Variants in SLC25A26 observed in about 807,000 individuals in gnomAD.
SLC25A26 encodes the protein mitochondrial S-adenosylmethionine carrier protein.
A neutral mutation model predicts 37.8 loss-of-function variants in SLC25A26; 36 were observed. That is an observed-to-expected ratio of 0.95 (90% CI 0.73 to 1.26). The LOEUF (loss-of-function observed/expected upper bound fraction) is 1.26. Ranked by LOEUF, SLC25A26 falls within the 50% of genes most tolerant of loss-of-function variation. The pLI is 0.00. For missense variants in SLC25A26, 390 were observed against 331.1 expected, an observed-to-expected ratio of 1.18 and a Z score of -1.38; for synonymous variants, 129 against 122.5, an observed-to-expected ratio of 1.05 and a Z score of -0.35.
At chr3:66,254,825 A>G (rs2073237415) in intron 3 of SLC25A26, among the ~76,000 whole-genome samples, 1 of 152,232 alleles carries the variant, frequency 6.6e-6, no homozygotes, top group East Asian at 1.9e-4. Flanking sequence ...TTTCTTGGAG[A>G]AAAATCTTAA....
intron 1 of SLC25A26, among the ~76,000 whole-genome samples, chr3:66,144,591 A>T (rs1034470457): frequency 1.8e-4 from 28 of 152,134 alleles, no homozygotes; most frequent in Non-Finnish European, 3.8e-4. Context: ...AACGAGTGGT[A>T]AGAAGCATAC....
chr3:66,252,217 G>A (rs1444886518), intron 3 of SLC25A26, among the ~76,000 whole-genome samples: 1 of 152,150 alleles, frequency 6.6e-6, no homozygotes, highest in Admixed American at 6.5e-5. Flanking sequence ...GTTAAGATTA[G>A]GGTTCTTGAA....
In SLC25A26 at chr3:66,199,388, C is replaced by T. The variant is rs916440876; in HGVS notation, c.-353-21354C>T. On this transcript the variant is annotated intron_variant, in intron 1 of 10. Coordinates refer to the SLC25A26 transcript ENST00000676754. ...CTGAACAATGACTCTTATCCTAAAC[C>T]TCACTGTCACTCTCATGTTGACTAT... Among the ~76,000 whole-genome samples, 654 of 152,110 alleles carry T rather than the reference C, an allele frequency of 4.3e-3. 7 individuals are homozygous for T. Among genetic ancestry groups the T allele is most frequent in the African/African-American group, 0.015 (612 of 41,488 alleles).
intron 5 of SLC25A26, among the ~76,000 whole-genome samples, chr3:66,341,875 A>T (rs553624947): frequency 1.3e-5 from 2 of 152,144 alleles, no homozygotes; most frequent in Non-Finnish European, 2.9e-5. Flanking sequence ...CTTTCCTGCT[A>T]TGTTTAATAC....
rs998153170 is a variant in SLC25A26 at position 66,378,410 on chromosome 3, A to C, written c.*603A>C. On this transcript the variant is annotated 3_prime_UTR_variant, in exon 10 of 10. Transcript: ENST00000354883. ...AACGCACAATTGTATTATTTTACAG[A>C]GATGTGTCCAGCGCCCCCTGTGGTG... 2 of 152,760 alleles carry C rather than the reference A, an allele frequency of 1.3e-5. No homozygotes were observed. 9.5% of individuals were successfully genotyped at this position (152,760 alleles called of 1,614,324 possible).
chr3:66,305,423 A>G (rs1445342842), intron 5 of SLC25A26, among the ~76,000 whole-genome samples: 8 of 152,178 alleles, frequency 5.3e-5, no homozygotes, highest in African/African-American at 1.9e-4. Context: ...CAAATTTTTT[A>G]TATTAGGGAT....
chr3:66,368,835 G>C (rs1700176899), intron 7 of SLC25A26, among the ~76,000 whole-genome samples: 1 of 152,018 alleles, frequency 6.6e-6, no homozygotes, highest in Non-Finnish European at 1.5e-5. Context: ...CTGGGCAACA[G>C]AGCAAGACCC....
intron 9 of SLC25A26, among the ~76,000 whole-genome samples, 194 bp from the exon 10 acceptor site, chr3:66,377,496 G>A (rs1700738773): frequency 6.6e-6 from 1 of 151,814 alleles, no homozygotes; most frequent in South Asian, 2.1e-4. Context: ...TGTTTCAAAG[G>A]GAAAAATGGC....
intron 5 of SLC25A26, among the ~76,000 whole-genome samples, chr3:66,277,766 G>A (rs1474830608): frequency 6.6e-6 from 1 of 152,072 alleles, no homozygotes; most frequent in East Asian, 1.9e-4. Context: ...AGCATCACCA[G>A]TAATAAGATT....
intron 1 of SLC25A26, among the ~76,000 whole-genome samples, chr3:66,193,522 T>C (rs1277179521): frequency 6.6e-6 from 1 of 152,126 alleles, no homozygotes; most frequent in Non-Finnish European, 1.5e-5. Flanking sequence ...TTCAGATAAC[T>C]AACATCATTG....
intron 5 of SLC25A26, among the ~76,000 whole-genome samples, chr3:66,310,111 CCA>C (rs2075335072): frequency 6.6e-6 from 1 of 152,094 alleles, no homozygotes; most frequent in Non-Finnish European, 1.5e-5. Flanking sequence ...TTAAAGTCTC[CCA>C]CTATTATTGT....
intron 1 of SLC25A26, among the ~76,000 whole-genome samples, chr3:66,163,041 G>A (rs187369538): frequency 9.2e-5 from 14 of 152,258 alleles, no homozygotes; most frequent in Non-Finnish European, 1.5e-4. Flanking sequence ...GGAGTGAACC[G>A]CATCTCTAGC....
rs141458910 is a variant in SLC25A26, at chr3:66,156,301, G to A, written c.-354+22317G>A. Among the ~76,000 whole-genome samples the A allele has an allele frequency of 2.1e-3, 323 of 152,318 alleles. 2 individuals carry two copies. Among genetic ancestry groups the A allele is most frequent in the Middle Eastern group, 0.01 (3 of 294 alleles). On this transcript the variant is annotated intron_variant, in intron 1 of 10. Coordinates refer to the SLC25A26 transcript ENST00000676754. Reference sequence around the variant, plus strand: ...GGGTTACAGCAGTAACAAGGAAGATGACAAGGATCCTGCCCTCCTGGAGCC... The same window carrying A: ...GGGTTACAGCAGTAACAAGGAAGATAACAAGGATCCTGCCCTCCTGGAGCC...
chr3:66,326,563 G>A (rs2075842843), intron 5 of SLC25A26, among the ~76,000 whole-genome samples: 1 of 152,248 alleles, frequency 6.6e-6, no homozygotes. Context: ...GTGGTGTCAA[G>A]TGGCATGTGC....
At chr3:66,342,589 C>A (rs1304480419) in intron 5 of SLC25A26, among the ~76,000 whole-genome samples, 1 of 152,142 alleles carries the variant, frequency 6.6e-6, no homozygotes, top group Non-Finnish European at 1.5e-5. Flanking sequence ...CATTGATTGG[C>A]TTCAAAGATA....
intron 5 of SLC25A26, among the ~76,000 whole-genome samples, chr3:66,291,296 T>G (rs1360732580): frequency 1.3e-5 from 2 of 152,166 alleles, no homozygotes; most frequent in East Asian, 3.9e-4. Flanking sequence ...GGGGTTTTTT[T>G]GTGTCTCTTT....
At chr3:66,324,416 T>C (rs2075782353) in intron 5 of SLC25A26, among the ~76,000 whole-genome samples, 9 of 151,996 alleles carry the variant, frequency 5.9e-5, no homozygotes, top group Admixed American at 5.9e-4. Context: ...GTCTGAAAAA[T>C]ACCTTGAACA....
At chr3:66,277,798 A>T (rs573073555) in intron 5 of SLC25A26, among the ~76,000 whole-genome samples, 1 of 152,238 alleles carries the variant, frequency 6.6e-6, no homozygotes, top group South Asian at 2.1e-4. Flanking sequence ...ATACATCTCT[A>T]ATATAATGCA....
chr3:66,281,129 C>T (rs1038890743), intron 5 of SLC25A26, among the ~76,000 whole-genome samples: 1 of 152,138 alleles, frequency 6.6e-6, no homozygotes, highest in African/African-American at 2.4e-5. Flanking sequence ...TAAACGGTCC[C>T]ATAATCTGGA....
Sources: allele counts gnomAD v4.1 joint callset (sites outside exome capture counted in the v4.1 genomes callset), GRCh38; gene constraint gnomAD v4.1.1; transcripts MANE v1.5; gene names NCBI Gene and HGNC (gene_info 2026-07-23, HGNC 2026-07-21).